Variants in UTP25 observed in about 807,000 individuals in gnomAD.
UTP25 encodes the protein U3 small nucleolar RNA-associated protein 25 homolog.
In UTP25, 50 loss-of-function variants were observed where a neutral mutation model predicts 78.9. The ratio of observed to expected loss-of-function variants is 0.63; its 90% CI spans 0.50 to 0.80. The LOEUF is 0.80. UTP25 is among the 30% of genes least tolerant of loss of function. UTP25 has a pLI of 0.00. For missense variants in UTP25, 846 were observed against 911.3 expected (o/e 0.93, Z 0.92); for synonymous variants, 329 against 336.5 (o/e 0.98, Z 0.24).
chr1:209,839,572 T>C lies in UTP25; in HGVS notation c.1282+444T>C, dbSNP rs151180967. On this transcript the variant is annotated intron_variant, in intron 7 of 11. Coordinates refer to ENST00000491415, the MANE Select transcript of UTP25 (RefSeq NM_014388.7). ...CTACATAGATGCCTACCCTGAATAATCTCCACACATGACTTCCACCCAAAT... is the reference window on the plus strand; with the variant it reads ...CTACATAGATGCCTACCCTGAATAACCTCCACACATGACTTCCACCCAAAT... 2.0e-3 allele frequency among the ~76,000 whole-genome samples: 297 copies of C among 152,274 alleles called. 2 individuals carry two copies. The highest frequency in any genetic ancestry group is 4.6e-3 in the South Asian group (22 of 4,830).
intron 2 of UTP25, 48 bp downstream of exon 2, chr1:209,830,195 A>G: frequency 6.6e-7 from 1 of 1,505,998 alleles, no homozygotes; most frequent in East Asian, 2.3e-5. Context: ...GGTTGTTCCC[A>G]CTAAGATTAT....
chr1:209,833,665 A>G (rs930088406), intron 4 of UTP25, among the ~76,000 whole-genome samples: 5 of 151,914 alleles, frequency 3.3e-5, no homozygotes, highest in Non-Finnish European at 1.5e-5. Flanking sequence ...GAGAAAGAAA[A>G]AGAGGAAAAA....
At chr1:209,845,104 T>G (rs2078190515) in intron 11 of UTP25, among the ~76,000 whole-genome samples, 1 of 152,222 alleles carries the variant, frequency 6.6e-6, no homozygotes, top group Non-Finnish European at 1.5e-5. Flanking sequence ...GATAACGTCC[T>G]TGTTCCCAGG....
At position 209,840,995 on chromosome 1, in the gene UTP25, C is replaced by G. The variant is rs769898588; in HGVS notation, c.1425C>G (p.Ile475Met). The G allele has an allele frequency of 6.2e-6, 10 of 1,614,064 alleles. No individual in the cohort carries two copies. Among genetic ancestry groups the G allele is most frequent in the Non-Finnish European group, 7.6e-6 (9 of 1,179,970 alleles). ...KKRDFDFLSS[I>M]ELLIIDQADI... is the part of the protein sequence containing the mutation. ...GAGATTTTGACTTTCTGTCTTCTAT[C>G]GAGCTTCTCATCATTGATCAAGCTG... Residue 475 changes from isoleucine (I) to methionine (M), a missense_variant, in exon 8 of 12, where the codon ATC (isoleucine) becomes ATG (methionine). Ile to Met is a conservative substitution (Grantham distance 10, BLOSUM62 1). Transcript: ENST00000491415.
chr1:209,852,223 T>C lies in UTP25; in HGVS notation c.*776T>C, dbSNP rs2078245150. ...AGGAAATTACACTTTTAAAAACATT[T>C]TTATTTTGAAACATTCTCAAACAGA... On this transcript the variant is annotated 3_prime_UTR_variant, in exon 12 of 12. Coordinates refer to ENST00000491415, the MANE Select transcript of UTP25 (RefSeq NM_014388.7). The C allele has an allele frequency of 6.6e-6, 1 of 152,204 alleles. No homozygotes were observed. The allele number at this position is 152,204 out of a possible 1,614,324, so 9.4% of individuals were successfully genotyped here.
chr1:209,839,933 G>A (rs1308915216), intron 7 of UTP25, among the ~76,000 whole-genome samples: 1 of 152,202 alleles, frequency 6.6e-6, no homozygotes, highest in Non-Finnish European at 1.5e-5. Flanking sequence ...CGTGGTGGAG[G>A]TGTCATCTGT....
intron 8 of UTP25, among the ~76,000 whole-genome samples, chr1:209,841,307 T>C (rs1261402311): frequency 6.6e-6 from 1 of 152,206 alleles, no homozygotes; most frequent in Non-Finnish European, 1.5e-5. Flanking sequence ...AAAGATTTCT[T>C]TCCCTTAAAA....
chr1:209,848,975 G>C (rs1184170600), intron 11 of UTP25, among the ~76,000 whole-genome samples: 1 of 152,064 alleles, frequency 6.6e-6, no homozygotes, highest in Non-Finnish European at 1.5e-5. Context: ...CAGTGGGCTT[G>C]GTGTAGGGTC....
At position 209,841,018 on chromosome 1, in the gene UTP25, C is replaced by T. The variant is rs1268700123; in HGVS notation, c.1448C>T (p.Ala483Val). 8.7e-6 allele frequency: 14 copies of T among 1,613,940 alleles called. No homozygotes were observed. In the Admixed American group the frequency reaches 1.3e-4, roughly 15 times the overall value. Residue 483 changes from alanine (A) to valine (V), a missense_variant, in exon 8 of 12, where the codon GCT becomes GTT. Physicochemically the swap from Ala to Val is moderately conservative, Grantham distance 64 (BLOSUM62 0). Coordinates refer to ENST00000491415, the MANE Select transcript of UTP25 (RefSeq NM_014388.7). ...SSIELLIIDQ[A>V]DIYLMQNWEH... ...ATCGAGCTTCTCATCATTGATCAAGCTGACATTTACCTGATGCAGAACTGG... is the reference window on the plus strand; with the variant it reads ...ATCGAGCTTCTCATCATTGATCAAGTTGACATTTACCTGATGCAGAACTGG...
intron 4 of UTP25, 87 bp from the exon 5 acceptor site, chr1:209,834,988 T>G: frequency 9.7e-7 from 1 of 1,030,012 alleles, no homozygotes; most frequent in Non-Finnish European, 1.5e-6. Context: ...GTTAACACAA[T>G]GAAGATCAAC....
At position 209,851,638 on chromosome 1, in the gene UTP25, G is replaced by T; in HGVS notation, c.*191G>T. The T allele has an allele frequency of 1.5e-6, 1 of 650,646 alleles. No individual in the cohort carries two copies. The highest frequency in any genetic ancestry group is 2.3e-6 in the Non-Finnish European group (1 of 434,830). 40.3% of individuals were successfully genotyped at this position (650,646 alleles called of 1,614,324 possible). A position where few individuals can be genotyped will look rare whatever the true frequency, so the allele number is the denominator to read the frequency against. On this transcript the variant is annotated 3_prime_UTR_variant, in exon 12 of 12. Coordinates refer to ENST00000491415, the MANE Select transcript of UTP25 (RefSeq NM_014388.7). ...AAAAGTTAAATGTAAACCAGATTTTGGTAAATCCCATCTTTCAGAAGTGAA... is the reference window on the plus strand; with the variant it reads ...AAAAGTTAAATGTAAACCAGATTTTTGTAAATCCCATCTTTCAGAAGTGAA...
intron 1 of UTP25, among the ~76,000 whole-genome samples, chr1:209,828,552 G>A (rs959045936): frequency 1.3e-4 from 20 of 150,550 alleles, no homozygotes; most frequent in Non-Finnish European, 2.7e-4. Context: ...ACAGGCGCCC[G>A]CCACCAAGCC....
chr1:209,839,746 T>C (rs1057164469), intron 7 of UTP25, among the ~76,000 whole-genome samples: 1 of 152,212 alleles, frequency 6.6e-6, no homozygotes, highest in Non-Finnish European at 1.5e-5. Context: ...CCAGGCACTG[T>C]TAAGAAGCTG....
chr1:209,831,949 A>G (rs2078105996), intron 3 of UTP25, among the ~76,000 whole-genome samples: 1 of 150,898 alleles, frequency 6.6e-6, no homozygotes. Context: ...TAGCTGGGTG[A>G]CTTTTTACTC....
intron 11 of UTP25, among the ~76,000 whole-genome samples, chr1:209,849,866 G>A (rs368950194): frequency 1.1e-4 from 17 of 152,152 alleles, no homozygotes; most frequent in African/African-American, 2.2e-4. Flanking sequence ...CCTGTGTCCC[G>A]TTTTTCCTCA....
At chr1:209,830,758 A>G in intron 2 of UTP25, 45 bp from the exon 3 acceptor site, 1 of 1,589,204 alleles carries the variant, frequency 6.3e-7, no homozygotes, top group Non-Finnish European at 8.6e-7. Context: ...GGTAACAATA[A>G]GAACAATATA....
chr1:209,843,444 A>C lies in UTP25; in HGVS notation c.1782-7A>C. ...CATTAATTTTGCCCTTTGCCATTCC[A>C]AATCAGGTTTAACTTTTTTGTGAAC... On this transcript the variant is annotated splice_region_variant and splice_polypyrimidine_tract_variant and intron_variant, in intron 10 of 11. Transcript: ENST00000491415. The C allele has an allele frequency of 6.2e-7, 1 of 1,613,328 alleles. No homozygotes were observed. Among genetic ancestry groups the C allele is most frequent in the Non-Finnish European group, 8.5e-7 (1 of 1,179,502 alleles).
In UTP25 at chr1:209,836,821, T is replaced by C. The variant is rs763021292; in HGVS notation, c.672T>C (p.Leu224=). 1.2e-5 allele frequency: 20 copies of C among 1,606,992 alleles called. No individual in the cohort carries two copies. The highest frequency in any genetic ancestry group is 1.6e-5 in the Non-Finnish European group (19 of 1,177,316). ...CCTAGTGGCCTATTCTGGGCCAGCT[T>C]TTCTTTTCCTCTAAGTTTCAGAAGT... ...HELKWPILGQ[L]FFSSKFQKLE... The change falls in exon 6 of 12, where the codon CTT becomes CTC. Residue 224 remains leucine (L), a synonymous_variant. Transcript: ENST00000491415.
At chr1:209,832,549 T>C (rs1653901366) in intron 3 of UTP25, among the ~76,000 whole-genome samples, 1 of 152,210 alleles carries the variant, frequency 6.6e-6, no homozygotes. Context: ...GAAGTGGGTA[T>C]ATTAATTCGA....
Sources: gnomAD v4.1 joint callset for allele counts (sites outside exome capture counted in the v4.1 genomes callset) on GRCh38, gnomAD v4.1.1 for gene constraint, MANE v1.5 for transcripts, NCBI Gene and HGNC (gene_info 2026-07-23, HGNC 2026-07-21) for gene names.